Variants in RAD51B observed in about 807,000 individuals in gnomAD.
RAD51B encodes the protein DNA repair protein RAD51 homolog 2.
Under a neutral mutation model 42.2 loss-of-function variants are expected in RAD51B, and 38 were observed. That is an observed-to-expected ratio of 0.90 (90% CI 0.70 to 1.18). The LOEUF is 1.18. RAD51B is among the 50% of genes most tolerant of loss of function. The probability of loss-of-function intolerance (pLI) is 0.00; values close to 1 mark genes in which losing one functional copy is unlikely to be tolerated. For synonymous variants in RAD51B, 154 were observed against 145.2 expected (o/e 1.06, Z -0.43); for missense variants, 373 against 400.7 (o/e 0.93, Z 0.59).
chr14:68,062,735 G>A (rs1030819019), intron 7 of RAD51B, among the ~76,000 whole-genome samples: 1 of 151,396 alleles, frequency 6.6e-6, no homozygotes, highest in Non-Finnish European at 1.5e-5. Flanking sequence ...CTTGAACCTA[G>A]GGGGCAGAGG....
chr14:67,849,642 TA>T (rs1171362416), intron 4 of RAD51B, among the ~76,000 whole-genome samples: 2 of 152,210 alleles, frequency 1.3e-5, no homozygotes, highest in Admixed American at 6.5e-5. Context: ...CAGTTGTAAT[TA>T]TTTTTTTCTG....
chr14:68,031,229 G>A (rs748490967), intron 7 of RAD51B, among the ~76,000 whole-genome samples: 2 of 152,166 alleles, frequency 1.3e-5, no homozygotes, highest in Admixed American at 6.5e-5. Flanking sequence ...CAGGCAAAAA[G>A]AGAACGGGGA....
intron 7 of RAD51B, among the ~76,000 whole-genome samples, chr14:68,059,522 G>A (rs186452511): frequency 3.9e-4 from 60 of 152,022 alleles, no homozygotes; most frequent in South Asian, 1.5e-3. Context: ...ATTTTCCTGC[G>A]TAATCCCTTT....
chr14:67,951,158 C>T, intron 7 of RAD51B, among the ~76,000 whole-genome samples: 1 of 152,174 alleles, frequency 6.6e-6, no homozygotes, highest in East Asian at 1.9e-4. Context: ...TAGACTTGCT[C>T]AGTGCATGGT....
chr14:68,399,170 TG>T (rs908614785), intron 8 of RAD51B, among the ~76,000 whole-genome samples: 1 of 151,930 alleles, frequency 6.6e-6, no homozygotes, highest in Admixed American at 6.6e-5. Flanking sequence ...CTAATTTTTT[TG>T]GGGGGGAAGG....
intron 7 of RAD51B, among the ~76,000 whole-genome samples, chr14:68,043,402 T>G (rs2076246396): frequency 6.6e-6 from 1 of 152,248 alleles, no homozygotes; most frequent in South Asian, 2.1e-4. Flanking sequence ...TAATTCGTGA[T>G]TCATTTGCAT....
At chr14:68,442,366 TGAGA>T (rs1396167369) in intron 9 of RAD51B, among the ~76,000 whole-genome samples, 2 of 151,222 alleles carry the variant, frequency 1.3e-5, no homozygotes, top group African/African-American at 4.9e-5. Context: ...TAGCAGCATC[TGAGA>T]GAGTTACTGA....
In RAD51B at chr14:68,570,512, G is replaced by A. The variant is rs577863946; in HGVS notation, c.1037-23973G>A. Among the ~76,000 whole-genome samples the A allele has an allele frequency of 2.6e-5, 4 of 152,324 alleles. No individual in the cohort carries two copies. The South Asian group carries it at 6.2e-4, about 24-fold the overall frequency. Reference sequence around the variant, plus strand: ...TGTGAGAAACAGATTCCCATCAACTGTTTACTAAACACTCTATGCTATTTA... The same window carrying A: ...TGTGAGAAACAGATTCCCATCAACTATTTACTAAACACTCTATGCTATTTA... On this transcript the variant is annotated intron_variant, in intron 10 of 10. Coordinates refer to the RAD51B transcript ENST00000487270.
chr14:68,349,818 G>A (rs2082748224), intron 8 of RAD51B, among the ~76,000 whole-genome samples: 1 of 152,210 alleles, frequency 6.6e-6, no homozygotes, highest in Non-Finnish European at 1.5e-5. Context: ...TTTCTGTGAG[G>A]AACCTTATCC....
At chr14:67,956,142 G>A (rs2074542240) in intron 7 of RAD51B, among the ~76,000 whole-genome samples, 1 of 152,168 alleles carries the variant, frequency 6.6e-6, no homozygotes, top group South Asian at 2.1e-4. Flanking sequence ...AGAGACACCA[G>A]ATTCTTTAAA....
downstream of RAD51B, among the ~76,000 whole-genome samples, chr14:68,478,991 C>T (rs140264112): frequency 3.3e-5 from 5 of 152,206 alleles, no homozygotes; most frequent in African/African-American, 9.6e-5. Context: ...CATCCAAGCC[C>T]CGGGCAGCAA....
chr14:68,165,055 A>T (rs2078720863), intron 7 of RAD51B, among the ~76,000 whole-genome samples: 1 of 152,226 alleles, frequency 6.6e-6, no homozygotes, highest in South Asian at 2.1e-4. Context: ...TAACTTGGTA[A>T]ATAGAGTGTG....
intron 7 of RAD51B, among the ~76,000 whole-genome samples, chr14:68,051,341 C>T (rs903900832): frequency 2.0e-5 from 3 of 151,990 alleles, no homozygotes; most frequent in South Asian, 4.2e-4. Flanking sequence ...ATTTCAACAT[C>T]GGAATGTACT....
At chr14:68,434,865 C>G (rs1044882256) in intron 9 of RAD51B, among the ~76,000 whole-genome samples, 4 of 152,098 alleles carry the variant, frequency 2.6e-5, no homozygotes, top group African/African-American at 9.7e-5. Flanking sequence ...TGGAGCTGTT[C>G]CTATTCAGCC....
intron 7 of RAD51B, among the ~76,000 whole-genome samples, chr14:68,044,410 G>A (rs1001690498): frequency 6.6e-6 from 1 of 151,984 alleles, no homozygotes; most frequent in Non-Finnish European, 1.5e-5. Context: ...TTTCTCTCTT[G>A]TTCCCCATGT....
At chr14:68,506,749 C>A (rs965236418) in intron 10 of RAD51B, among the ~76,000 whole-genome samples, 1 of 151,794 alleles carries the variant, frequency 6.6e-6, no homozygotes, top group Non-Finnish European at 1.5e-5. Context: ...GCTGTGTGCC[C>A]GTGTATGTAT....
chr14:68,664,787 C>T (rs1892999919), intron 11 of RAD51B, among the ~76,000 whole-genome samples: 1 of 152,202 alleles, frequency 6.6e-6, no homozygotes, highest in Admixed American at 6.5e-5. Context: ...TCCTCTGGGC[C>T]ATCTTGTGCC....
At chr14:67,978,895 C>G (rs996720191) in intron 7 of RAD51B, among the ~76,000 whole-genome samples, 9 of 152,176 alleles carry the variant, frequency 5.9e-5, no homozygotes, top group African/African-American at 2.2e-4. Context: ...GACTTATTGA[C>G]TAACTTTTGC....
At chr14:68,420,745 G>A (rs1239741326) in intron 9 of RAD51B, among the ~76,000 whole-genome samples, 2 of 152,206 alleles carry the variant, frequency 1.3e-5, no homozygotes, top group Non-Finnish European at 2.9e-5. Flanking sequence ...TTTGTGACCT[G>A]TATCTTTTCT....
Sources: allele counts gnomAD v4.1 joint callset (sites outside exome capture counted in the v4.1 genomes callset), GRCh38; gene constraint gnomAD v4.1.1; transcripts MANE v1.5; gene names NCBI Gene and HGNC (gene_info 2026-07-23, HGNC 2026-07-21).